RAD51B: variants seen among roughly 807,000 people sequenced by gnomAD.
The protein encoded by RAD51B is DNA repair protein RAD51 homolog 2.
A neutral mutation model predicts 42.2 loss-of-function variants in RAD51B; 38 were observed. The observed-to-expected ratio is 0.90, with a 90% CI of 0.70 to 1.18. RAD51B has a LOEUF of 1.18. Ranked by LOEUF, RAD51B falls within the 50% of genes most tolerant of loss-of-function variation. The pLI, the probability that RAD51B is intolerant of heterozygous loss-of-function variation, is 0.00. For missense variants in RAD51B, 373 were observed against 400.7 expected, an observed-to-expected ratio of 0.93 and a Z score of 0.59; for synonymous variants, 154 against 145.2, an observed-to-expected ratio of 1.06 and a Z score of -0.43.
At position 68,542,643 on chromosome 14, in the gene RAD51B, C is replaced by T. The variant is rs112304736; in HGVS notation, c.1037-51842C>T. Among the ~76,000 whole-genome samples the T allele has an allele frequency of 3.3e-5, 5 of 152,222 alleles. 1 individual carries two copies. The highest frequency in any genetic ancestry group is 1.2e-4 in the African/African-American group (5 of 41,518). On this transcript the variant is annotated intron_variant, in intron 10 of 10. Coordinates refer to the RAD51B transcript ENST00000487270. Reference sequence around the variant, plus strand: ...CACATAACAATGGCTGTGAGGAGCCCGTTGTCAATATTTATATCAAATGTT... The same window carrying T: ...CACATAACAATGGCTGTGAGGAGCCTGTTGTCAATATTTATATCAAATGTT...
intron 7 of RAD51B, among the ~76,000 whole-genome samples, chr14:68,053,959 C>T (rs1249207447): frequency 2.0e-5 from 3 of 152,172 alleles, no homozygotes; most frequent in East Asian, 3.8e-4. Context: ...TTCACATATG[C>T]ACATATTATA....
At chr14:68,594,558 G>A in exon 11 of RAD51B, 1 of 1,327,550 alleles carries the variant, frequency 7.5e-7, no homozygotes, top group African/African-American at 1.5e-5. Context: ...AGCCTCCTGA[G>A]CAGCTAGGAC....
Position 68,266,788 on chromosome 14 carries a change from T to G in RAD51B, c.757-25096T>G, listed in dbSNP as rs182067194. Among the ~76,000 whole-genome samples the G allele has an allele frequency of 2.3e-4, 35 of 152,344 alleles. No individual in the cohort carries two copies. The East Asian group carries it at 3.7e-3, about 16-fold the overall frequency. On this transcript the variant is annotated intron_variant, in intron 7 of 10. Transcript: ENST00000471583. ...ATGTATTCCTGGTGACTCTGATATC[T>G]CTATAAAATAGGGATGATAGTAGTA...
intron 8 of RAD51B, chr14:68,306,519 G>C: frequency 2.5e-6 from 1 of 395,208 alleles, no homozygotes; most frequent in Admixed American, 2.6e-5. Flanking sequence ...AGCCCAAGCT[G>C]AACAGCTCTC....
chr14:68,338,442 C>T lies in RAD51B; in HGVS notation c.853+46462C>T, dbSNP rs528965018. On this transcript the variant is annotated intron_variant, in intron 8 of 10. Coordinates refer to ENST00000471583, the MANE Select transcript of RAD51B (RefSeq NM_133510.4). ...TGCATCCTCATTACCCACATTTGTA[C>T]GTCCTTAGTTCGACTTCCCAGCCCA... is the stretch of plus-strand genomic sequence containing the variant. 1.3e-4 allele frequency among the ~76,000 whole-genome samples: 20 copies of T among 152,324 alleles called. No individual in the cohort carries two copies. In the South Asian group the frequency reaches 2.5e-3, roughly 19 times the overall value.
At chr14:67,966,573 A>C (rs895382004) in intron 7 of RAD51B, among the ~76,000 whole-genome samples, 2 of 152,246 alleles carry the variant, frequency 1.3e-5, no homozygotes, top group African/African-American at 4.8e-5. Context: ...CCAATGCCAG[A>C]AAATGACAAC....
chr14:68,593,402 C>T (rs1464327429), intron 10 of RAD51B, among the ~76,000 whole-genome samples: 1 of 152,156 alleles, frequency 6.6e-6, no homozygotes, highest in East Asian at 1.9e-4. Context: ...ATCATTGGGC[C>T]CTTTGATGCT....
chr14:68,022,975 C>T (rs1039393103), intron 7 of RAD51B, among the ~76,000 whole-genome samples: 3 of 152,194 alleles, frequency 2.0e-5, no homozygotes. Context: ...CTACAAAGGA[C>T]ATGATCTCAT....
intron 8 of RAD51B, among the ~76,000 whole-genome samples, chr14:68,409,438 A>G (rs909598388): frequency 1.3e-5 from 2 of 152,220 alleles, no homozygotes; most frequent in African/African-American, 4.8e-5. Flanking sequence ...TACTGAAAGC[A>G]TCTGGTATTA....
At chr14:68,616,141 A>G (rs188085887), downstream of RAD51B, among the ~76,000 whole-genome samples, 187 of 152,238 alleles carry the variant, frequency 1.2e-3, 1 homozygote, top group Middle Eastern at 3.4e-3. Context: ...ACAGTACTTT[A>G]TTATTTTTGC....
chr14:68,594,452 A>G, intron 10 of RAD51B: 1 of 1,359,854 alleles, frequency 7.4e-7, no homozygotes, highest in Non-Finnish European at 9.7e-7. Context: ...AAGGGCCTAG[A>G]CTTTGACTTC....
At chr14:68,154,694 CTT>C (rs80143095) in intron 7 of RAD51B, among the ~76,000 whole-genome samples, 106 of 141,664 alleles carry the variant, frequency 7.5e-4, no homozygotes, top group African/African-American at 2.6e-3. Context: ...TAGAACTTTC[CTT>C]TTTTTTTTTT....
chr14:67,973,508 G>A (rs1334671982), intron 7 of RAD51B, among the ~76,000 whole-genome samples: 1 of 152,000 alleles, frequency 6.6e-6, no homozygotes. Context: ...CTATTCCTTT[G>A]TACTTCCCAT....
At chr14:68,354,319 C>T (rs553107923) in intron 8 of RAD51B, among the ~76,000 whole-genome samples, 15 of 148,150 alleles carry the variant, frequency 1.0e-4, no homozygotes, top group Non-Finnish European at 1.6e-4. Context: ...CAGGTTCAAG[C>T]GATTTTCCTG....
At chr14:68,095,347 C>T (rs1476851457) in intron 7 of RAD51B, among the ~76,000 whole-genome samples, 3 of 151,846 alleles carry the variant, frequency 2.0e-5, no homozygotes, top group African/African-American at 7.3e-5. Context: ...ATTTTCAACC[C>T]ACCAGTGCTC....
chr14:67,966,437 T>A (rs111901369), intron 7 of RAD51B, among the ~76,000 whole-genome samples: 2 of 152,340 alleles, frequency 1.3e-5, no homozygotes, highest in African/African-American at 2.4e-5. Context: ...ATGATTCTTT[T>A]AAAAAATTAG....
At chr14:67,858,606 T>C (rs2042069928) in intron 4 of RAD51B, among the ~76,000 whole-genome samples, 1 of 152,136 alleles carries the variant, frequency 6.6e-6, no homozygotes, top group Non-Finnish European at 1.5e-5. Flanking sequence ...TAGGAAAGGG[T>C]AGGTATACGT....
intron 9 of RAD51B, among the ~76,000 whole-genome samples, chr14:68,448,533 G>A (rs1047399800): frequency 9.9e-5 from 15 of 152,214 alleles, no homozygotes; most frequent in Non-Finnish European, 1.8e-4. Flanking sequence ...TGGAACATAG[G>A]AGGTACTCAG....
chr14:68,577,505 T>TAA lies in RAD51B; in HGVS notation c.1037-16967_1037-16966dup, dbSNP rs374739046. Among the ~76,000 whole-genome samples the TAA allele has an allele frequency of 2.0e-4, 29 of 144,168 alleles. 1 individual carries two copies. Among genetic ancestry groups the TAA allele is most frequent in the Admixed American group, 4.9e-4 (7 of 14,408 alleles). The allele number at this position is 144,168 out of a possible 152,430, so 94.6% of individuals were successfully genotyped here. A position where few individuals can be genotyped will look rare whatever the true frequency, so the allele number is the denominator to read the frequency against. ...TACTCATTATTCATCTGATTTTATG[T>TAA]AAAAAAAAAAAAAATGGAATCCTAG... On this transcript the variant is annotated intron_variant, in intron 10 of 10. Transcript: ENST00000487270.
Sources: gnomAD v4.1 joint callset for allele counts (sites outside exome capture counted in the v4.1 genomes callset) on GRCh38, gnomAD v4.1.1 for gene constraint, MANE v1.5 for transcripts, NCBI Gene and HGNC (gene_info 2026-07-23, HGNC 2026-07-21) for gene names.